Variants in CTDSPL2 observed in about 807,000 individuals in gnomAD.
CTDSPL2 encodes the protein CTD small phosphatase-like protein 2.
CTDSPL2 carries 5 observed loss-of-function variants against 60.0 expected under a neutral mutation model. The ratio of observed to expected loss-of-function variants is 0.08; its 90% CI spans 0.04 to 0.18. CTDSPL2 has a LOEUF of 0.18. Among genes scored for constraint, CTDSPL2 ranks in the 10% least tolerant of loss-of-function variants. The pLI is 1.00. For missense variants in CTDSPL2, 370 were observed against 548.8 expected (o/e 0.67, Z 3.26); for synonymous variants, 186 against 189.3 (o/e 0.98, Z 0.14).
At chr15:44,467,950 G>A (rs940736836) in intron 2 of CTDSPL2, among the ~76,000 whole-genome samples, 4 of 152,176 alleles carry the variant, frequency 2.6e-5, no homozygotes, top group Middle Eastern at 3.4e-3. Context: ...TTGATTTGCT[G>A]GGGATTTTTT....
At chr15:44,430,613 A>G (rs1215040308) in intron 1 of CTDSPL2, among the ~76,000 whole-genome samples, 1 of 152,170 alleles carries the variant, frequency 6.6e-6, no homozygotes, top group African/African-American at 2.4e-5. Context: ...AATGAATAAA[A>G]TGGTTTGCCA....
At chr15:44,443,580 A>AT (rs1398001762) in intron 1 of CTDSPL2, among the ~76,000 whole-genome samples, 1 of 151,874 alleles carries the variant, frequency 6.6e-6, no homozygotes. Context: ...TTTTATTTTT[A>AT]TTTTTTTGAT....
At chr15:44,438,257 C>A (rs1414249789) in intron 1 of CTDSPL2, among the ~76,000 whole-genome samples, 3 of 145,684 alleles carry the variant, frequency 2.1e-5, no homozygotes, top group African/African-American at 7.6e-5. Flanking sequence ...GAGCGAGACT[C>A]CGTCTCAAAA....
At chr15:44,501,308 T>C (rs1285980168) in intron 8 of CTDSPL2, among the ~76,000 whole-genome samples, 1 of 152,122 alleles carries the variant, frequency 6.6e-6, no homozygotes, top group Non-Finnish European at 1.5e-5. Context: ...CTTCTAGGTT[T>C]GAAATTGAAA....
At position 44,505,641 on chromosome 15, in the gene CTDSPL2, G is replaced by A. The variant is rs534681872; in HGVS notation, c.969+5828G>A. Among the ~76,000 whole-genome samples the A allele has an allele frequency of 1.1e-4, 17 of 151,944 alleles. No homozygotes were observed. The East Asian group carries it at 3.3e-3, about 29-fold the overall frequency. On this transcript the variant is annotated intron_variant, in intron 8 of 12. Coordinates refer to ENST00000260327, the MANE Select transcript of CTDSPL2 (RefSeq NM_016396.3). ...CTCAGCTACTCGGGAGGCTGAGACGGGAGAATTGCTTGAACCCGGGAGGGA... is the reference window on the plus strand; with the variant it reads ...CTCAGCTACTCGGGAGGCTGAGACGAGAGAATTGCTTGAACCCGGGAGGGA...
intron 1 of CTDSPL2, among the ~76,000 whole-genome samples, chr15:44,446,588 C>G (rs951854920): frequency 2.6e-5 from 4 of 151,250 alleles, no homozygotes; most frequent in African/African-American, 9.7e-5. Flanking sequence ...TGAGATAGAA[C>G]CACTGCACTC....
intron 2 of CTDSPL2, among the ~76,000 whole-genome samples, chr15:44,467,881 A>G (rs1455162554): frequency 6.6e-6 from 1 of 152,064 alleles, no homozygotes; most frequent in Non-Finnish European, 1.5e-5. Flanking sequence ...GGCCCCTCTT[A>G]TTCTTTTAAT....
chr15:44,486,031 T>C (rs1309652983), intron 3 of CTDSPL2, among the ~76,000 whole-genome samples: 1 of 152,240 alleles, frequency 6.6e-6, no homozygotes, highest in Non-Finnish European at 1.5e-5. Flanking sequence ...CTAGCCACTC[T>C]GAGATGGCGT....
At chr15:44,504,596 G>A (rs1228227139) in intron 8 of CTDSPL2, among the ~76,000 whole-genome samples, 7 of 151,978 alleles carry the variant, frequency 4.6e-5, no homozygotes, top group Admixed American at 4.6e-4. Context: ...TTTTGAGGCC[G>A]GGGCAGTGGC....
At position 44,437,256 on chromosome 15, in the gene CTDSPL2, A is replaced by C. The variant is rs186584252; in HGVS notation, c.-25+9484A>C. 2.3e-3 allele frequency among the ~76,000 whole-genome samples: 350 copies of C among 151,594 alleles called. 2 individuals are homozygous for C. Among genetic ancestry groups the C allele is most frequent in the Non-Finnish European group, 1.6e-3 (109 of 68,026 alleles). Reference sequence around the variant, plus strand: ...ACCACTTCTCATTCAATTAGCAAATACATTTGTAAAGAGGGCACATAAGTA... The same window carrying C: ...ACCACTTCTCATTCAATTAGCAAATCCATTTGTAAAGAGGGCACATAAGTA... On this transcript the variant is annotated intron_variant, in intron 1 of 12. Transcript: ENST00000260327.
intron 2 of CTDSPL2, among the ~76,000 whole-genome samples, chr15:44,467,883 T>C (rs952131063): frequency 6.6e-6 from 1 of 152,204 alleles, no homozygotes; most frequent in African/African-American, 2.4e-5. Flanking sequence ...CCCCTCTTAT[T>C]CTTTTAATGT....
At chr15:44,502,312 G>A (rs2081393951) in intron 8 of CTDSPL2, among the ~76,000 whole-genome samples, 1 of 151,924 alleles carries the variant, frequency 6.6e-6, no homozygotes, top group Non-Finnish European at 1.5e-5. Flanking sequence ...GCCAGATGGA[G>A]TGTCCTCTTG....
At chr15:44,497,539 G>C (rs2081321232) in intron 7 of CTDSPL2, among the ~76,000 whole-genome samples, 2 of 151,822 alleles carry the variant, frequency 1.3e-5, no homozygotes, top group African/African-American at 4.8e-5. Context: ...CTAATTTTTT[G>C]TTGTGTATTT....
At chr15:44,479,406 C>CTTT (rs1567083584) in intron 2 of CTDSPL2, among the ~76,000 whole-genome samples, 1 of 133,332 alleles carries the variant, frequency 7.5e-6, no homozygotes, top group Non-Finnish European at 1.6e-5. Flanking sequence ...TATTTTCTTT[C>CTTT]CTTTTTTTTT....
At chr15:44,512,053 C>T (rs990572171) in intron 8 of CTDSPL2, among the ~76,000 whole-genome samples, 2 of 151,648 alleles carry the variant, frequency 1.3e-5, no homozygotes, top group African/African-American at 4.8e-5. Flanking sequence ...TGTTTAAAGC[C>T]AGGCATGGTG....
Position 44,519,149 on chromosome 15 carries a change from GT to G in CTDSPL2, c.1113-15del. 1.4e-6 allele frequency: 2 copies of G among 1,424,488 alleles called. No individual in the cohort carries two copies. Among genetic ancestry groups the G allele is most frequent in the Non-Finnish European group, 1.8e-6 (2 of 1,086,620 alleles). The allele number at this position is 1,424,488 out of a possible 1,614,324, so 88.2% of individuals were successfully genotyped here. A position where few individuals can be genotyped will look rare whatever the true frequency, so the allele number is the denominator to read the frequency against. ...TTAGAAAGTTTTTTTTTTTTAATTT[GT>G]TTTTATTTTTATGTTTAGGCACCGG... On this transcript the variant is annotated intron_variant, in intron 10 of 12. Transcript: ENST00000260327.
intron 8 of CTDSPL2, among the ~76,000 whole-genome samples, chr15:44,513,241 G>A (rs539805291): frequency 2.5e-4 from 38 of 152,162 alleles, no homozygotes; most frequent in Non-Finnish European, 3.7e-4. Flanking sequence ...CAAGACGGGC[G>A]GATCACCTGA....
intron 5 of CTDSPL2, among the ~76,000 whole-genome samples, chr15:44,495,406 C>A (rs534757855): frequency 6.6e-6 from 1 of 151,882 alleles, no homozygotes; most frequent in Non-Finnish European, 1.5e-5. Flanking sequence ...CACTGTGAAA[C>A]CCCGTCTCTA....
intron 8 of CTDSPL2, among the ~76,000 whole-genome samples, chr15:44,512,098 A>G (rs573664157): frequency 6.6e-6 from 1 of 152,014 alleles, no homozygotes; most frequent in Admixed American, 6.6e-5. Flanking sequence ...GTGGAAGGCT[A>G]AGACAGGAGG....
Sources: allele counts gnomAD v4.1 joint callset (sites outside exome capture counted in the v4.1 genomes callset), GRCh38; gene constraint gnomAD v4.1.1; transcripts MANE v1.5; gene names NCBI Gene and HGNC (gene_info 2026-07-23, HGNC 2026-07-21).